Variants in ARHGEF33 observed in about 807,000 individuals in gnomAD.
The protein encoded by ARHGEF33 is DH and coiled-coil domain-containing protein ENSP00000381780.
In ARHGEF33, 72 loss-of-function variants were observed where a neutral mutation model predicts 101.9. That is an observed-to-expected ratio of 0.71 (90% CI 0.58 to 0.86). The LOEUF (loss-of-function observed/expected upper bound fraction) is 0.86, where lower values mean the gene tolerates loss of function less well. Among genes scored for constraint, ARHGEF33 ranks in the 40% least tolerant of loss-of-function variants. The pLI is 0.00. For synonymous variants in ARHGEF33, 499 were observed against 442.5 expected (o/e 1.13, Z -1.60); for missense variants, 1,169 against 1,111.3 (o/e 1.05, Z -0.74).
chr2:38,956,800 C>CTA, intron 13 of ARHGEF33, 99 bp from the exon 14 acceptor site: 1 of 1,362,972 alleles, frequency 7.3e-7, no homozygotes, highest in African/African-American at 1.5e-5. Flanking sequence ...GATTAAATGG[C>CTA]TATGAATCTC....
rs562933399 is a variant in ARHGEF33, at chr2:38,931,209, G to A, written c.463G>A (p.Glu155Lys). 8 of 1,551,430 alleles carry A rather than the reference G, an allele frequency of 5.2e-6. No homozygotes were observed. Among genetic ancestry groups the A allele is most frequent in the South Asian group, 3.6e-5 (3 of 84,024 alleles). Residue 155 changes from glutamate (E) to lysine (K), a missense_variant, in exon 7 of 18, where the codon GAA (glutamate) becomes AAA (lysine). Coordinates refer to ENST00000409978, the MANE Select transcript of ARHGEF33 (RefSeq NM_001145451.5). ...TATCCCTGAGCCTGTTCTTCCAAGC[G>A]AAGACTTTACCAACCTTTTGCCTTC... Reference protein sequence around the residue: ...INIPEPVLPSEDFTNLLPSQA... With the variant: ...INIPEPVLPSKDFTNLLPSQA...
chr2:38,909,392 G>A (rs779704549), intron 2 of ARHGEF33, among the ~76,000 whole-genome samples: 12 of 151,724 alleles, frequency 7.9e-5, no homozygotes, highest in Admixed American at 2.0e-4. Flanking sequence ...CTCTATCATC[G>A]CTCACTGCAG....
At chr2:38,944,444 G>A (rs924987814) in intron 10 of ARHGEF33, among the ~76,000 whole-genome samples, 1 of 152,052 alleles carries the variant, frequency 6.6e-6, no homozygotes, top group Admixed American at 6.6e-5. Flanking sequence ...TTCATAGTGC[G>A]GAGCTCTCAC....
intron 4 of ARHGEF33, 144 bp downstream of exon 4, chr2:38,921,567 A>C (rs901578731): frequency 2.5e-5 from 16 of 647,900 alleles, no homozygotes; most frequent in Admixed American, 8.9e-5. Context: ...TGAGACAGGC[A>C]CCTCAGTGGG....
rs982171678 is a variant in ARHGEF33 at position 38,890,959 on chromosome 2, A to G, written c.-159+973A>G. On this transcript the variant is annotated intron_variant, in intron 1 of 17. Coordinates refer to ENST00000409978, the MANE Select transcript of ARHGEF33 (RefSeq NM_001145451.5). ...CAGAGGCTTTTGAAACAAGATGACCATACTATTGGTTTTTTTTTTTTTCTT... is the reference window on the plus strand; with the variant it reads ...CAGAGGCTTTTGAAACAAGATGACCGTACTATTGGTTTTTTTTTTTTTCTT... Among the ~76,000 whole-genome samples, 5 of 143,874 alleles carry G rather than the reference A, an allele frequency of 3.5e-5. No individual in the cohort carries two copies. In the South Asian group the frequency reaches 1.1e-3, roughly 33 times the overall value. 94.4% of individuals were successfully genotyped at this position (143,874 alleles called of 152,430 possible). A position where few individuals can be genotyped will look rare whatever the true frequency, so the allele number is the denominator to read the frequency against.
chr2:38,901,214 A>G (rs1666230266), intron 2 of ARHGEF33, among the ~76,000 whole-genome samples: 1 of 152,250 alleles, frequency 6.6e-6, no homozygotes, highest in South Asian at 2.1e-4. Flanking sequence ...GCATTCTTTC[A>G]ATCACACAAG....
chr2:38,899,326 A>G lies in ARHGEF33; in HGVS notation c.-86+3477A>G, dbSNP rs1430129153. On this transcript the variant is annotated intron_variant, in intron 2 of 17. Coordinates refer to ENST00000409978, the MANE Select transcript of ARHGEF33 (RefSeq NM_001145451.5). ...AAAATTAAGTAAAATTGCTAGTATA[A>G]ACAGTAAAATTGCTAGTATAAAGAG... 2.6e-5 allele frequency among the ~76,000 whole-genome samples: 4 copies of G among 152,148 alleles called. No individual in the cohort carries two copies. In the East Asian group the frequency reaches 7.7e-4, roughly 29 times the overall value.
intron 17 of ARHGEF33, among the ~76,000 whole-genome samples, chr2:38,968,640 C>T (rs915578763): frequency 3.3e-5 from 5 of 152,212 alleles, no homozygotes; most frequent in Non-Finnish European, 7.3e-5. Context: ...TCCTCTTGTC[C>T]TTTCTCATAG....
chr2:38,958,019 T>C lies in ARHGEF33; in HGVS notation c.1371-15T>C, dbSNP rs202110197. 8.4e-6 allele frequency: 13 copies of C among 1,552,088 alleles called. No individual in the cohort carries two copies. Among genetic ancestry groups the C allele is most frequent in the African/African-American group, 1.4e-5 (1 of 73,056 alleles). ...CCACTGTACAACCTGAGAACTGTTA[T>C]TTCCATTCTGTTAGGTCATCCATGG... On this transcript the variant is annotated splice_polypyrimidine_tract_variant and intron_variant, in intron 14 of 17. Coordinates refer to ENST00000409978, the MANE Select transcript of ARHGEF33 (RefSeq NM_001145451.5).
chr2:38,894,997 C>A (rs374074295), intron 1 of ARHGEF33, among the ~76,000 whole-genome samples: 1 of 152,042 alleles, frequency 6.6e-6, no homozygotes, highest in Non-Finnish European at 1.5e-5. Flanking sequence ...GGAAGCCAAG[C>A]TGGGAATAAA....
At chr2:38,904,300 T>A (rs1356116555) in intron 2 of ARHGEF33, among the ~76,000 whole-genome samples, 1 of 152,084 alleles carries the variant, frequency 6.6e-6, no homozygotes, top group Non-Finnish European at 1.5e-5. Flanking sequence ...GAAATGCAAG[T>A]GGCAGAGAAG....
At chr2:38,920,471 G>A (rs1469759338) in intron 3 of ARHGEF33, among the ~76,000 whole-genome samples, 5 of 127,748 alleles carry the variant, frequency 3.9e-5, no homozygotes, top group African/African-American at 6.0e-5. Context: ...GCAATGGCAC[G>A]ATCTCAACTC....
At chr2:38,914,664 CA>C (rs199737558) in intron 2 of ARHGEF33, among the ~76,000 whole-genome samples, 58,262 of 95,954 alleles carry the variant, frequency 0.61, 14,014 homozygotes, top group Middle Eastern at 0.75. Context: ...GACTCCATCT[CA>C]AAAAAAAAAA....
chr2:38,957,723 A>G (rs1667804449), intron 14 of ARHGEF33, among the ~76,000 whole-genome samples: 2 of 152,124 alleles, frequency 1.3e-5, no homozygotes, highest in African/African-American at 4.8e-5. Flanking sequence ...GAGGAGAACA[A>G]CCATTTCTGT....
rs1046820567 is a variant in ARHGEF33 at position 38,932,442 on chromosome 2, A to T, written c.505+1191A>T. Among the ~76,000 whole-genome samples, 169 of 150,482 alleles carry T rather than the reference A, an allele frequency of 1.1e-3. 1 individual carries two copies. Among genetic ancestry groups the T allele is most frequent in the Admixed American group, 0.011 (163 of 15,120 alleles). ...GTGCCCGGCTTGCCTTTTTATTTTT[A>T]TTTTTTTTTTACCTATTTGCGTAAT... On this transcript the variant is annotated intron_variant, in intron 7 of 17. Coordinates refer to ENST00000409978, the MANE Select transcript of ARHGEF33 (RefSeq NM_001145451.5).
chr2:38,896,480 A>G (rs774348347), intron 2 of ARHGEF33, among the ~76,000 whole-genome samples: 8 of 152,170 alleles, frequency 5.3e-5, no homozygotes, highest in Admixed American at 6.5e-5. Context: ...GTCTTTGATG[A>G]TTGTGAAAAA....
intron 4 of ARHGEF33, among the ~76,000 whole-genome samples, chr2:38,925,391 CTA>C (rs1237885385): frequency 6.6e-6 from 1 of 152,138 alleles, no homozygotes; most frequent in African/African-American, 2.4e-5. Flanking sequence ...CTGATTGAGA[CTA>C]AGTCTCTTTT....
At chr2:38,907,510 C>CTA (rs910395915) in intron 2 of ARHGEF33, among the ~76,000 whole-genome samples, 1 of 152,174 alleles carries the variant, frequency 6.6e-6, no homozygotes, top group Non-Finnish European at 1.5e-5. Flanking sequence ...GACTGATGAT[C>CTA]CGTTTTACAA....
intron 16 of ARHGEF33, among the ~76,000 whole-genome samples, chr2:38,964,178 G>T (rs2124428377): frequency 6.6e-6 from 1 of 152,216 alleles, no homozygotes; most frequent in East Asian, 1.9e-4. Context: ...ACAAAGATGG[G>T]ATGCTGGAAA....
Sources: gnomAD v4.1 joint callset for allele counts (sites outside exome capture counted in the v4.1 genomes callset) on GRCh38, gnomAD v4.1.1 for gene constraint, MANE v1.5 for transcripts, NCBI Gene and HGNC (gene_info 2026-07-23, HGNC 2026-07-21) for gene names.